Variants in FAF1 observed in about 807,000 individuals in gnomAD.
FAF1 encodes the protein FAS-associated factor 1.
In FAF1, 25 loss-of-function variants were observed where a neutral mutation model predicts 92.5. The ratio of observed to expected loss-of-function variants is 0.27; its 90% CI spans 0.20 to 0.38. FAF1 has a LOEUF of 0.38. FAF1 is among the 10% of genes least tolerant of loss of function. FAF1 has a pLI of 1.00. For missense variants in FAF1, 636 were observed against 793.3 expected, an observed-to-expected ratio of 0.80 and a Z score of 2.38; for synonymous variants, 234 against 273.2, an observed-to-expected ratio of 0.86 and a Z score of 1.42.
chr1:50,874,609 T>C (rs572374014), intron 1 of FAF1, among the ~76,000 whole-genome samples: 1 of 152,208 alleles, frequency 6.6e-6, no homozygotes, highest in East Asian at 1.9e-4. Context: ...TCCACCTGCC[T>C]CAGTCTCCCA....
chr1:50,835,569 T>TTAAAAAAAAAAAAAAAAAAAAAA (rs1411817124), intron 2 of FAF1, among the ~76,000 whole-genome samples: 1 of 59,350 alleles, frequency 1.7e-5, no homozygotes, highest in Non-Finnish European at 2.9e-5. Flanking sequence ...AGACTCCATC[T>TTAAAAAAAAAAAAAAAAAAAAAA]CAAAAAAAAA....
rs185064638 is a variant in FAF1, at chr1:50,788,838, G to A, written c.162-633C>T. On this transcript the variant is annotated intron_variant, in intron 3 of 18. Coordinates refer to ENST00000396153, the MANE Select transcript of FAF1 (RefSeq NM_007051.3). ...TTCAAAATCTAAAACAATTCTTTTT[G>A]TTTGTTTGTTTGAGATGGGGTCTCT... Among the ~76,000 whole-genome samples the A allele has an allele frequency of 2.3e-3, 354 of 152,038 alleles. 1 individual carries two copies. Among genetic ancestry groups the A allele is most frequent in the African/African-American group, 8.3e-3 (345 of 41,486 alleles).
chr1:50,816,486 G>A (rs1569994837), intron 2 of FAF1, among the ~76,000 whole-genome samples: 1 of 151,894 alleles, frequency 6.6e-6, no homozygotes. Context: ...TTACAGGCGT[G>A]AGCCACCACG....
In FAF1 at chr1:50,814,881, G is replaced by C. The variant is rs117707989; in HGVS notation, c.115-13204C>G. ...ATACACACACAAAACCAGAAGATAAGTGTTGGCAAGATGTGGAGAAATTAA... is the reference window on the plus strand; with the variant it reads ...ATACACACACAAAACCAGAAGATAACTGTTGGCAAGATGTGGAGAAATTAA... On this transcript the variant is annotated intron_variant, in intron 2 of 18. Transcript: ENST00000396153. Among the ~76,000 whole-genome samples the C allele has an allele frequency of 1.1e-4, 17 of 152,212 alleles. No individual in the cohort carries two copies. The East Asian group carries it at 3.3e-3, about 29-fold the overall frequency.
chr1:50,668,853 C>T (rs1569721709), intron 7 of FAF1, among the ~76,000 whole-genome samples: 1 of 152,116 alleles, frequency 6.6e-6, no homozygotes, highest in Non-Finnish European at 1.5e-5. Context: ...AAAAATTTAA[C>T]CACATGATTC....
chr1:50,590,286 A>G (rs1651441196), intron 9 of FAF1, among the ~76,000 whole-genome samples: 1 of 152,198 alleles, frequency 6.6e-6, no homozygotes, highest in Non-Finnish European at 1.5e-5. Context: ...TGTACATGAA[A>G]TGTGTTTCCA....
chr1:50,463,744 A>G (rs540650904), intron 18 of FAF1, among the ~76,000 whole-genome samples: 1 of 152,210 alleles, frequency 6.6e-6, no homozygotes, highest in East Asian at 1.9e-4. Flanking sequence ...AAAAGGCTGT[A>G]AAAACTGAAG....
At chr1:50,691,932 A>G (rs974920330) in intron 7 of FAF1, among the ~76,000 whole-genome samples, 1 of 152,232 alleles carries the variant, frequency 6.6e-6, no homozygotes, top group African/African-American at 2.4e-5. Context: ...TAATTAACAT[A>G]TCCAGCAGGC....
intron 1 of FAF1, among the ~76,000 whole-genome samples, chr1:50,885,323 C>A (rs551458685): frequency 6.8e-4 from 99 of 144,856 alleles, no homozygotes; most frequent in Non-Finnish European, 1.3e-3. Flanking sequence ...CACACACACA[C>A]ACTCTCTCTC....
intron 1 of FAF1, among the ~76,000 whole-genome samples, chr1:50,885,295 T>C (rs867419799): frequency 1.6e-4 from 22 of 137,360 alleles, no homozygotes; most frequent in South Asian, 6.7e-4. Flanking sequence ...CCGTGTCTCT[T>C]TCTCTCTCTC....
intron 5 of FAF1, among the ~76,000 whole-genome samples, chr1:50,740,172 T>C (rs1447202052): frequency 2.0e-5 from 3 of 152,050 alleles, no homozygotes; most frequent in Non-Finnish European, 4.4e-5. Context: ...TAACCCTATA[T>C]AGTTGAATGT....
At chr1:50,694,411 C>T (rs1231151280) in intron 7 of FAF1, among the ~76,000 whole-genome samples, 1 of 151,688 alleles carries the variant, frequency 6.6e-6, no homozygotes, top group Non-Finnish European at 1.5e-5. Context: ...CTAATATTTG[C>T]TCTTGAAATT....
chr1:50,578,493 C>A (rs564938397), intron 12 of FAF1, among the ~76,000 whole-genome samples: 1 of 152,252 alleles, frequency 6.6e-6, no homozygotes, highest in East Asian at 1.9e-4. Context: ...TCCTGAAGTA[C>A]AGCAGTTAGC....
chr1:50,923,252 T>C (rs1644979792), intron 1 of FAF1, among the ~76,000 whole-genome samples: 1 of 151,958 alleles, frequency 6.6e-6, no homozygotes, highest in Non-Finnish European at 1.5e-5. Context: ...AACCCATCAC[T>C]ACAAAAAATA....
chr1:50,824,714 G>A (rs191925712), intron 2 of FAF1, among the ~76,000 whole-genome samples: 3 of 152,212 alleles, frequency 2.0e-5, no homozygotes, highest in African/African-American at 7.2e-5. Context: ...ATCAGTGGAT[G>A]AAGAGATTTA....
chr1:50,838,399 AC>A (rs1195263031), intron 2 of FAF1, among the ~76,000 whole-genome samples: 2 of 150,680 alleles, frequency 1.3e-5, no homozygotes, highest in Admixed American at 1.3e-4. Context: ...ATAAAATTTT[AC>A]ATTACTTTTA....
Position 50,474,162 on chromosome 1 carries a change from C to T in FAF1, c.1869+1302G>A, listed in dbSNP as rs898017071. Among the ~76,000 whole-genome samples, 11 of 152,218 alleles carry T rather than the reference C, an allele frequency of 7.2e-5. 1 individual carries two copies. Among genetic ancestry groups the T allele is most frequent in the Admixed American group, 2.6e-4 (4 of 15,282 alleles). ...AATTTGTCTCGTGTAACTTTCAACT[C>T]ATTGGTCCCAGTTCTGCCCCTGCAG... On this transcript the variant is annotated intron_variant, in intron 18 of 18. Transcript: ENST00000396153.
chr1:50,496,055 G>T (rs1230856306), intron 15 of FAF1, among the ~76,000 whole-genome samples: 2 of 151,432 alleles, frequency 1.3e-5, no homozygotes, highest in African/African-American at 2.4e-5. Flanking sequence ...CAAAAAAAAA[G>T]AAATTTAGAT....
intron 8 of FAF1, among the ~76,000 whole-genome samples, chr1:50,634,586 C>A (rs1001700637): frequency 2.0e-5 from 3 of 152,124 alleles, no homozygotes; most frequent in African/African-American, 7.2e-5. Context: ...GCCAACAAGA[C>A]CTTTCTCTGT....
Sources: gnomAD v4.1 joint callset for allele counts (sites outside exome capture counted in the v4.1 genomes callset) on GRCh38, gnomAD v4.1.1 for gene constraint, MANE v1.5 for transcripts, NCBI Gene and HGNC (gene_info 2026-07-23, HGNC 2026-07-21) for gene names.